KCNH1: variants seen among roughly 807,000 people sequenced by gnomAD.
KCNH1 encodes the protein voltage-gated delayed rectifier potassium channel KCNH1.
Under a neutral mutation model 69.2 loss-of-function variants are expected in KCNH1, and 27 were observed. The observed-to-expected ratio is 0.39, with a 90% confidence interval of 0.29 to 0.54. The LOEUF is 0.54. Ranked by LOEUF, KCNH1 falls within the 20% of genes least tolerant of loss-of-function variation. The probability of loss-of-function intolerance (pLI) is 0.68; values close to 1 mark genes in which losing one functional copy is unlikely to be tolerated. For missense variants in KCNH1, 798 were observed against 1,261.6 expected (o/e 0.63, Z 5.57); for synonymous variants, 456 against 487.7 (o/e 0.93, Z 0.86).
chr1:210,796,710 A>G (rs148458910), intron 9 of KCNH1, among the ~76,000 whole-genome samples: 231 of 152,000 alleles, frequency 1.5e-3, no homozygotes, highest in Non-Finnish European at 2.8e-3. Flanking sequence ...CTTCTTGACT[A>G]TCTCAACTCC....
At position 211,107,321 on chromosome 1, in the gene KCNH1, T is replaced by G. The variant is rs779059021; in HGVS notation, c.136A>C (p.Asn46His). The G allele has an allele frequency of 6.2e-7, 1 of 1,613,466 alleles. No homozygotes were observed. Among genetic ancestry groups the G allele is most frequent in the Non-Finnish European group, 8.5e-7 (1 of 1,179,870 alleles). ...CCAGACAGCTTGCAAAATCCATCAT[T>G]GCTGTACACAATAGGCCAGTCCACT... ...QIVDWPIVYS[N>H]DGFCKLSGYH... The change falls in exon 2 of 11, where the codon AAT becomes CAT. Residue 46 changes from asparagine (N) to histidine (H), a missense_variant. By Grantham distance (68) the Asn-to-His change is moderately conservative (BLOSUM62 1). Around this residue, in one of 4 missense-constraint regions of KCNH1, gnomAD observed 266 missense variants for 457.2 expected, o/e 0.58. Coordinates refer to ENST00000271751, the MANE Select transcript of KCNH1 (RefSeq NM_172362.3).
chr1:210,844,908 C>A (rs1034006993), intron 7 of KCNH1, among the ~76,000 whole-genome samples: 3 of 152,124 alleles, frequency 2.0e-5, no homozygotes, highest in Non-Finnish European at 4.4e-5. Flanking sequence ...CACCACTGAT[C>A]CCACAGAAAT....
At chr1:211,053,782 G>C (rs901959432) in intron 5 of KCNH1, among the ~76,000 whole-genome samples, 2 of 151,956 alleles carry the variant, frequency 1.3e-5, no homozygotes, top group Admixed American at 1.3e-4. Context: ...GGACCCAATG[G>C]ACTCCCACCA....
chr1:210,738,359 A>C (rs991130110), intron 10 of KCNH1, among the ~76,000 whole-genome samples: 5 of 152,288 alleles, frequency 3.3e-5, no homozygotes, highest in Admixed American at 2.6e-4. Flanking sequence ...GACACATCAG[A>C]AACTCTCATT....
rs575513926 is a variant in KCNH1 at position 210,951,849 on chromosome 1, T to TA, written c.1033-31781dup. ...CTTCATCCTGTTAAATGAAAACAGC[T>TA]ATATGATGCACACTGTTGTCTTTTC... On this transcript the variant is annotated intron_variant, in intron 6 of 10. Transcript: ENST00000271751. 8.5e-4 allele frequency among the ~76,000 whole-genome samples: 129 copies of TA among 152,230 alleles called. 3 individuals are homozygous for TA. The East Asian group carries it at 0.02, about 24-fold the overall frequency.
chr1:210,698,891 C>T (rs1399387245), intron 10 of KCNH1, among the ~76,000 whole-genome samples: 1 of 152,226 alleles, frequency 6.6e-6, no homozygotes, highest in Non-Finnish European at 1.5e-5. Context: ...CTGCAGAGGC[C>T]ACGGGCAGCT....
Position 210,683,987 on chromosome 1 carries a change from T to C in KCNH1, c.2264A>G (p.Glu755Gly). ...RQQKEARLAA[E>G]RGGRDLDDLD... ...GTCATCCAGGTCCCGGCCCCCTCTC[T>C]CAGCTGCCAGCCTGGCCTCTTTCTG... The change falls in exon 11 of 11, where the codon GAG (glutamate) becomes GGG (glycine). Residue 755 changes from glutamate (E) to glycine (G), a missense_variant. This residue lies in a region of KCNH1 where 331 missense variants were observed against 363.2 expected (regional missense o/e 0.91). Transcript: ENST00000271751. This position sits in a 1 kb window ranked among gnomAD's most constrained non-coding sequence, Gnocchi z 5.7. 2 of 1,599,230 alleles carry C rather than the reference T, an allele frequency of 1.3e-6. No individual in the cohort carries two copies. Among genetic ancestry groups the C allele is most frequent in the Non-Finnish European group, 1.7e-6 (2 of 1,168,886 alleles).
At chr1:211,077,253 C>A (rs533139542) in intron 5 of KCNH1, among the ~76,000 whole-genome samples, 1 of 152,062 alleles carries the variant, frequency 6.6e-6, no homozygotes, top group Non-Finnish European at 1.5e-5. Context: ...TCAGGAAATA[C>A]GGAGAACTCC....
intron 10 of KCNH1, among the ~76,000 whole-genome samples, chr1:210,723,308 C>A (rs1410047788): frequency 6.6e-6 from 1 of 151,120 alleles, no homozygotes; most frequent in African/African-American, 2.5e-5. Context: ...AAAAAATGTT[C>A]TTTTGTTAGG....
At chr1:210,802,016 G>A (rs1684438202) in intron 8 of KCNH1, among the ~76,000 whole-genome samples, 1 of 152,154 alleles carries the variant, frequency 6.6e-6, no homozygotes, top group Non-Finnish European at 1.5e-5. Context: ...CTGTGACCAG[G>A]GGCAGTTAGT....
At chr1:210,954,496 G>T (rs1688129651) in intron 6 of KCNH1, among the ~76,000 whole-genome samples, 1 of 152,172 alleles carries the variant, frequency 6.6e-6, no homozygotes, top group Non-Finnish European at 1.5e-5. Context: ...TTCCACAATG[G>T]TTGAACTAAT....
At chr1:211,119,919 T>C (rs377266548) in intron 1 of KCNH1, among the ~76,000 whole-genome samples, 4 of 152,190 alleles carry the variant, frequency 2.6e-5, no homozygotes, top group African/African-American at 7.2e-5. Context: ...TACCCCTAAG[T>C]ACATGATTTC....
At chr1:210,879,405 G>A (rs926264769) in intron 7 of KCNH1, among the ~76,000 whole-genome samples, 6 of 151,476 alleles carry the variant, frequency 4.0e-5, no homozygotes, top group South Asian at 2.1e-4. Context: ...ATAATTATAC[G>A]GCAAAAACAA....
At chr1:210,778,007 G>A (rs1683895723) in intron 9 of KCNH1, among the ~76,000 whole-genome samples, 1 of 152,216 alleles carries the variant, frequency 6.6e-6, no homozygotes, top group Admixed American at 6.5e-5. Context: ...CAACAAGTGA[G>A]AAGCACAAGC....
chr1:211,072,091 C>G (rs138991225), intron 5 of KCNH1, among the ~76,000 whole-genome samples: 2 of 152,204 alleles, frequency 1.3e-5, no homozygotes, highest in African/African-American at 4.8e-5. Flanking sequence ...GCCTGGCCAG[C>G]ATGGTGAAAC....
At position 210,800,241 on chromosome 1, in the gene KCNH1, C is replaced by G. The variant is rs548107607; in HGVS notation, c.1663-2481G>C. ...GCTTGGGCAGAGTGCTTGCTAAGGA[C>G]TTACTTCCATAAGGCTCATTAAAAA... is the stretch of plus-strand genomic sequence containing the variant. On this transcript the variant is annotated intron_variant, in intron 8 of 10. Coordinates refer to ENST00000271751, the MANE Select transcript of KCNH1 (RefSeq NM_172362.3). Among the ~76,000 whole-genome samples the G allele has an allele frequency of 9.9e-4, 151 of 152,324 alleles. 1 individual carries two copies. Among genetic ancestry groups the G allele is most frequent in the African/African-American group, 3.4e-3 (143 of 41,578 alleles).
rs1469290256 is a variant in KCNH1 at position 211,009,639 on chromosome 1, C to T, written c.1032+9144G>A. Among the ~76,000 whole-genome samples, 4 of 151,226 alleles carry T rather than the reference C, an allele frequency of 2.6e-5. 1 individual carries two copies. In the South Asian group the frequency reaches 8.4e-4, roughly 32 times the overall value. Reference sequence around the variant, plus strand: ...TTTCTTTTTTTTTGAGATGGAGTCGCGCTCTGTCACCCAGGCTGGAGTGCA... The same window carrying T: ...TTTCTTTTTTTTTGAGATGGAGTCGTGCTCTGTCACCCAGGCTGGAGTGCA... On this transcript the variant is annotated intron_variant, in intron 6 of 10. Transcript: ENST00000271751.
At chr1:210,907,093 A>G (rs1687118343) in intron 7 of KCNH1, among the ~76,000 whole-genome samples, 1 of 152,240 alleles carries the variant, frequency 6.6e-6, no homozygotes, top group Non-Finnish European at 1.5e-5. Flanking sequence ...ATAATCAACC[A>G]TAAATTTAAA....
At chr1:210,764,000 A>G (rs1204586019) in intron 10 of KCNH1, among the ~76,000 whole-genome samples, 1 of 152,200 alleles carries the variant, frequency 6.6e-6, no homozygotes, top group African/African-American at 2.4e-5. Context: ...CAAAAACAGC[A>G]TGGTACTGGT....
Sources: gnomAD v4.1 joint callset for allele counts (sites outside exome capture counted in the v4.1 genomes callset) on GRCh38, gnomAD v4.1.1 for gene constraint, gnomAD v4.1.1 regional missense constraint, Gnocchi (gnomAD v3.1) non-coding constraint, MANE v1.5 for transcripts, NCBI Gene and HGNC (gene_info 2026-07-23, HGNC 2026-07-21) for gene names.